Variants in ENTHD1 observed in about 807,000 individuals in gnomAD.
ENTHD1 encodes the protein ENTH domain containing 1, also known as ENTH domain-containing protein 1.
Under a neutral mutation model 39.1 loss-of-function variants are expected in ENTHD1, and 23 were observed. The observed-to-expected ratio is 0.59, with a 90% CI of 0.42 to 0.83. ENTHD1 has a LOEUF of 0.83. Among genes scored for constraint, ENTHD1 ranks in the 40% least tolerant of loss-of-function variants. The probability of loss-of-function intolerance (pLI) is 0.00; values close to 1 mark genes in which losing one functional copy is unlikely to be tolerated. For missense variants in ENTHD1, 624 were observed against 705.4 expected, an observed-to-expected ratio of 0.88 and a Z score of 1.31; for synonymous variants, 230 against 258.2, an observed-to-expected ratio of 0.89 and a Z score of 1.05.
At chr22:39,834,413 T>C (rs1442621917) in intron 4 of ENTHD1, among the ~76,000 whole-genome samples, 3 of 152,020 alleles carry the variant, frequency 2.0e-5, no homozygotes, top group Non-Finnish European at 4.4e-5. Flanking sequence ...ATTTGGAAAA[T>C]GCAAATTAAA....
intron 2 of ENTHD1, among the ~76,000 whole-genome samples, chr22:39,883,857 A>G (rs1442077521): frequency 6.8e-6 from 1 of 147,684 alleles, no homozygotes; most frequent in East Asian, 2.0e-4. Context: ...CTGTCCCACA[A>G]AAAAAAAAAA....
At position 39,744,085 on chromosome 22, in the gene ENTHD1, G is replaced by A. The variant is rs761355836; in HGVS notation, c.1418C>T (p.Ala473Val). 6 of 1,614,122 alleles carry A rather than the reference G, an allele frequency of 3.7e-6. No homozygotes were observed. The highest frequency in any genetic ancestry group is 3.3e-5 in the Admixed American group (2 of 60,016). The change falls in exon 7 of 7, where the codon GCT becomes GTT. Residue 473 changes from alanine to valine, a missense_variant. Transcript: ENST00000325157. ...DKTAKLHHSF[A>V]SRGPVSSDVE... ...ATCAGAAGACACTGGGCCCCTAGAA[G>A]CAAAGGAGTGATGCAGCTTGGCTGT...
At chr22:39,866,446 C>T (rs966319991) in intron 2 of ENTHD1, among the ~76,000 whole-genome samples, 4 of 152,188 alleles carry the variant, frequency 2.6e-5, no homozygotes, top group African/African-American at 9.7e-5. Context: ...CAGATAAATG[C>T]TCTAAAGGAA....
chr22:39,794,629 C>T (rs183545661), intron 5 of ENTHD1, among the ~76,000 whole-genome samples: 1 of 151,968 alleles, frequency 6.6e-6, no homozygotes, highest in Non-Finnish European at 1.5e-5. Flanking sequence ...GGTGAAACCC[C>T]GTCTCTACTA....
chr22:39,838,063 A>C (rs937916568), intron 3 of ENTHD1, among the ~76,000 whole-genome samples: 1 of 152,246 alleles, frequency 6.6e-6, no homozygotes, highest in Admixed American at 6.5e-5. Flanking sequence ...TGATGAAAGT[A>C]TATTTACAGC....
In ENTHD1 at chr22:39,861,995, C is replaced by G. The variant is rs765682213; in HGVS notation, c.362G>C (p.Arg121Pro). ...TGTGATGACTTGCTTAGATTTTTCC[C>G]GGATATAATAACCTGAAAAATACAT... ...EAGKDQGYYI[R>P]EKSKQVITLL... The change falls in exon 3 of 7, where the codon CGG (arginine) becomes CCG (proline). Residue 121 changes from arginine (R) to proline (P), a missense_variant. Physicochemically the swap from Arg to Pro is moderately radical, Grantham distance 103. Coordinates refer to ENST00000325157, the MANE Select transcript of ENTHD1 (RefSeq NM_152512.4). 2 of 1,478,030 alleles carry G rather than the reference C, an allele frequency of 1.4e-6. No individual in the cohort carries two copies. The highest frequency in any genetic ancestry group is 1.8e-6 in the Non-Finnish European group (2 of 1,095,388). 91.6% of individuals were successfully genotyped at this position (1,478,030 alleles called of 1,614,324 possible).
chr22:39,861,384 A>G (rs2066138654), intron 3 of ENTHD1, among the ~76,000 whole-genome samples: 1 of 152,132 alleles, frequency 6.6e-6, no homozygotes, highest in African/African-American at 2.4e-5. Flanking sequence ...TACTAAAAAT[A>G]CAAAAATTAG....
intron 2 of ENTHD1, among the ~76,000 whole-genome samples, chr22:39,869,355 T>C (rs547297440): frequency 1.3e-5 from 2 of 152,206 alleles, no homozygotes; most frequent in South Asian, 2.1e-4. Flanking sequence ...AGCAAATTCA[T>C]GCAGGAACAG....
chr22:39,819,085 G>A (rs528185253), intron 5 of ENTHD1, among the ~76,000 whole-genome samples: 2 of 152,144 alleles, frequency 1.3e-5, no homozygotes, highest in Non-Finnish European at 2.9e-5. Context: ...AAGAGCTATC[G>A]GCTAGGCATG....
Position 39,818,084 on chromosome 22 carries a change from C to T in ENTHD1, c.832+2909G>A, listed in dbSNP as rs370627503. On this transcript the variant is annotated intron_variant, in intron 5 of 6. Coordinates refer to ENST00000325157, the MANE Select transcript of ENTHD1 (RefSeq NM_152512.4). The stretch of plus-strand genomic sequence containing the variant: ...ATGAGGTGGAAGTATTACAGCATGA[C>T]TTCTGAGATGATTCAACTTCTGTCT... 2.2e-3 allele frequency among the ~76,000 whole-genome samples: 334 copies of T among 152,320 alleles called. 1 individual carries two copies. The highest frequency in any genetic ancestry group is 7.6e-3 in the African/African-American group (316 of 41,566).
At chr22:39,813,931 A>G (rs993305316) in intron 5 of ENTHD1, among the ~76,000 whole-genome samples, 2 of 152,224 alleles carry the variant, frequency 1.3e-5, no homozygotes, top group Non-Finnish European at 2.9e-5. Flanking sequence ...AATGCAATTT[A>G]TAAAATGACA....
intron 3 of ENTHD1, among the ~76,000 whole-genome samples, chr22:39,842,597 A>G (rs1389297305): frequency 6.6e-6 from 1 of 152,130 alleles, no homozygotes; most frequent in Non-Finnish European, 1.5e-5. Context: ...ACAAAAGACA[A>G]AATTGACAAA....
Position 39,867,227 on chromosome 22 carries a change from C to G in ENTHD1, c.350-5220G>C, listed in dbSNP as rs1238656880. ...CCGAGAAATCTATATACATTTACAG[C>G]TGACCATCGTGTAAAGAGATTGCAA... On this transcript the variant is annotated intron_variant, in intron 2 of 6. Coordinates refer to ENST00000325157, the MANE Select transcript of ENTHD1 (RefSeq NM_152512.4). The surrounding 1 kb of genome is among the most constrained non-coding windows in gnomAD (Gnocchi z 4.5). Among the ~76,000 whole-genome samples the G allele has an allele frequency of 6.6e-6, 1 of 152,158 alleles. No individual in the cohort carries two copies. The highest frequency in any genetic ancestry group is 1.5e-5 in the Non-Finnish European group (1 of 68,034).
At chr22:39,878,765 G>C (rs1003814462) in intron 2 of ENTHD1, among the ~76,000 whole-genome samples, 4 of 151,592 alleles carry the variant, frequency 2.6e-5, no homozygotes, top group Admixed American at 6.6e-5. Flanking sequence ...CATCAGAAAA[G>C]GAATAAGTGA....
intron 6 of ENTHD1, among the ~76,000 whole-genome samples, chr22:39,753,283 C>T (rs2065160866): frequency 6.6e-6 from 1 of 152,206 alleles, no homozygotes; most frequent in African/African-American, 2.4e-5. Context: ...CAAGAATCTA[C>T]TAGCTTCCTC....
intron 6 of ENTHD1, among the ~76,000 whole-genome samples, chr22:39,759,445 G>A (rs2065212189): frequency 6.6e-6 from 1 of 151,742 alleles, no homozygotes; most frequent in Non-Finnish European, 1.5e-5. Flanking sequence ...GTAATCTATA[G>A]GTTTTTTAGT....
chr22:39,827,686 A>G (rs1402638547), intron 4 of ENTHD1, among the ~76,000 whole-genome samples: 6 of 152,212 alleles, frequency 3.9e-5, no homozygotes, highest in Non-Finnish European at 8.8e-5. Flanking sequence ...GGGAATCAAG[A>G]TGATAGACTA....
intron 6 of ENTHD1, among the ~76,000 whole-genome samples, chr22:39,752,965 T>C (rs981510770): frequency 3.3e-5 from 5 of 152,218 alleles, no homozygotes; most frequent in Non-Finnish European, 7.3e-5. Flanking sequence ...AAAGGAAAAG[T>C]GCATGGTTAA....
chr22:39,849,560 T>C (rs966221605), intron 3 of ENTHD1, among the ~76,000 whole-genome samples: 7 of 152,270 alleles, frequency 4.6e-5, no homozygotes, highest in African/African-American at 1.2e-4. Context: ...TTTCCATTTA[T>C]ATAGGTCTTT....
Sources: allele counts gnomAD v4.1 joint callset (sites outside exome capture counted in the v4.1 genomes callset), GRCh38; gene constraint gnomAD v4.1.1; non-coding constraint Gnocchi (gnomAD v3.1); transcripts MANE v1.5; gene names NCBI Gene and HGNC (gene_info 2026-07-23, HGNC 2026-07-21).